The following IMPA2 variants were observed in gnomAD, a reference collection of about 807,000 sequenced individuals.
IMPA2 encodes the protein IMP 2.
Under a neutral mutation model 35.1 loss-of-function variants are expected in IMPA2, and 32 were observed. The ratio of observed to expected loss-of-function variants is 0.91; its 90% CI spans 0.69 to 1.23. The LOEUF (loss-of-function observed/expected upper bound fraction) is 1.23, where lower values mean the gene tolerates loss of function less well. Among genes scored for constraint, IMPA2 ranks in the 50% most tolerant of loss-of-function variants. The probability of loss-of-function intolerance (pLI) is 0.00; values close to 1 mark genes in which losing one functional copy is unlikely to be tolerated. For missense variants in IMPA2, 334 were observed against 387.6 expected (o/e 0.86, Z 1.16); for synonymous variants, 135 against 160.6 (o/e 0.84, Z 1.20).
intron 5 of IMPA2, 109 bp from the exon 6 acceptor site, chr18:12,027,934 G>A (rs938253010): frequency 2.7e-5 from 19 of 696,608 alleles, no homozygotes; most frequent in East Asian, 1.9e-4. Context: ...TGAACCAGTC[G>A]AAAGATGATC....
chr18:12,000,911 G>A (rs1025516096), intron 2 of IMPA2, among the ~76,000 whole-genome samples: 6 of 147,838 alleles, frequency 4.1e-5, no homozygotes, highest in Non-Finnish European at 6.0e-5. Context: ...CACTACGCCC[G>A]GCCCCAGTGT....
intron 5 of IMPA2, among the ~76,000 whole-genome samples, chr18:12,024,054 C>CAA (rs1192804713): frequency 2.0e-5 from 3 of 152,064 alleles, no homozygotes. Flanking sequence ...GTTTATGAAG[C>CAA]ATTGTTTACA....
chr18:12,024,779 G>A (rs943877691), intron 5 of IMPA2, among the ~76,000 whole-genome samples: 5 of 151,020 alleles, frequency 3.3e-5, no homozygotes, highest in East Asian at 3.9e-4. Flanking sequence ...TTAGAGTAAC[G>A]GTTTTAGGTT....
intron 5 of IMPA2, among the ~76,000 whole-genome samples, chr18:12,025,524 G>A (rs1483239552): frequency 2.6e-5 from 4 of 152,172 alleles, no homozygotes; most frequent in Non-Finnish European, 5.9e-5. Flanking sequence ...CCACATCCTG[G>A]CTGGCACTTG....
chr18:11,997,675 C>T (rs1906999225), intron 1 of IMPA2, among the ~76,000 whole-genome samples: 1 of 152,156 alleles, frequency 6.6e-6, no homozygotes, highest in Non-Finnish European at 1.5e-5. Flanking sequence ...CAGGGCCTGG[C>T]ATGAGCGGGT....
chr18:11,982,671 T>C (rs952296238), intron 1 of IMPA2, among the ~76,000 whole-genome samples: 3 of 152,014 alleles, frequency 2.0e-5, no homozygotes, highest in Non-Finnish European at 4.4e-5. Context: ...GCGCGTGCCT[T>C]AGTTCCAGCT....
chr18:12,020,764 C>T (rs1907706962), intron 5 of IMPA2, among the ~76,000 whole-genome samples: 1 of 151,924 alleles, frequency 6.6e-6, no homozygotes, highest in Non-Finnish European at 1.5e-5. Flanking sequence ...GAAATATTTC[C>T]TTTATGTAAT....
At chr18:11,984,981 AAAAAC>A (rs202200947) in intron 1 of IMPA2, among the ~76,000 whole-genome samples, 12,835 of 146,238 alleles carry the variant, frequency 0.088, 779 homozygotes, top group East Asian at 0.27. Context: ...AAAAAAAAAA[AAAAAC>A]AACAAAAATC....
chr18:11,999,244 T>C (rs745848972), intron 2 of IMPA2, 57 bp downstream of exon 2: 4 of 1,540,302 alleles, frequency 2.6e-6, no homozygotes, highest in African/African-American at 1.4e-5. Context: ...TCATAGAGAA[T>C]GCAGGGTCTG....
intron 1 of IMPA2, among the ~76,000 whole-genome samples, chr18:11,984,008 A>G (rs78886319): frequency 6.6e-6 from 1 of 152,132 alleles, no homozygotes; most frequent in African/African-American, 2.4e-5. Flanking sequence ...AGCACCCAGC[A>G]TTCTACCACT....
intron 1 of IMPA2, among the ~76,000 whole-genome samples, chr18:11,986,051 A>G (rs1376762105): frequency 6.6e-6 from 1 of 152,206 alleles, no homozygotes; most frequent in Non-Finnish European, 1.5e-5. Flanking sequence ...CTTAAGCGTC[A>G]TTAGCTTCAC....
In IMPA2 at chr18:12,014,324, T is replaced by C; in HGVS notation, c.441T>C (p.Gly147=). 6.2e-7 allele frequency: 1 copy of C among 1,609,438 alleles called. No individual in the cohort carries two copies. Among genetic ancestry groups the C allele is most frequent in the Non-Finnish European group, 8.5e-7 (1 of 1,178,034 alleles). ...TEERLYTGRR[G]RGAFCNGQRL... The stretch of plus-strand genomic sequence containing the variant: ...AGCGGCTGTACACGGGCCGGCGGGG[T>C]CGGGGCGCCTTCTGCAATGGCCAGC... The change falls in exon 5 of 8, where the codon GGT becomes GGC. Residue 147 remains glycine, a synonymous_variant. Coordinates refer to ENST00000269159, the MANE Select transcript of IMPA2 (RefSeq NM_014214.3).
At chr18:12,028,336 G>C in intron 6 of IMPA2, 185 bp downstream of exon 6, 1 of 577,994 alleles carries the variant, frequency 1.7e-6, no homozygotes, top group Admixed American at 3.0e-5. Flanking sequence ...CTATAGCCAG[G>C]CCTCTGGAGA....
rs142917168 is a variant in IMPA2 at position 12,026,875 on chromosome 18, C to T, written c.491-1168C>T. Among the ~76,000 whole-genome samples the T allele has an allele frequency of 2.9e-3, 436 of 152,274 alleles. 2 individuals are homozygous for T. Among genetic ancestry groups the T allele is most frequent in the African/African-American group, 9.9e-3 (412 of 41,558 alleles). On this transcript the variant is annotated intron_variant, in intron 5 of 7. Transcript: ENST00000269159. ...CAGCTTCAGTGCTGGGCATGGCCGG[C>T]GGTGAATGATCTGGACCTCCTGAGG...
At chr18:11,985,008 G>T (rs183263041) in intron 1 of IMPA2, among the ~76,000 whole-genome samples, 1 of 150,750 alleles carries the variant, frequency 6.6e-6, no homozygotes, top group Non-Finnish European at 1.5e-5. Context: ...GTCGAGCGTG[G>T]TGGCACACGC....
intron 2 of IMPA2, among the ~76,000 whole-genome samples, chr18:12,004,748 C>A (rs1432247485): frequency 6.6e-6 from 1 of 152,176 alleles, no homozygotes; most frequent in Non-Finnish European, 1.5e-5. Context: ...TGGTCTTGAA[C>A]TCCTGACCTC....
intron 1 of IMPA2, among the ~76,000 whole-genome samples, chr18:11,985,987 C>T (rs1598680566): frequency 2.6e-5 from 4 of 152,318 alleles, no homozygotes; most frequent in South Asian, 4.1e-4. Context: ...GGTTTGTGTA[C>T]GGCTTTGTGA....
At chr18:11,992,135 C>G (rs1406160647) in intron 1 of IMPA2, among the ~76,000 whole-genome samples, 2 of 152,262 alleles carry the variant, frequency 1.3e-5, no homozygotes, top group Non-Finnish European at 2.9e-5. Context: ...AGCCACCACG[C>G]CTAGCCCAGA....
At chr18:12,016,046 G>A (rs554010424) in intron 5 of IMPA2, among the ~76,000 whole-genome samples, 6 of 152,274 alleles carry the variant, frequency 3.9e-5, no homozygotes, top group East Asian at 3.9e-4. Context: ...TGGTAATTTC[G>A]TAGAATGAAG....
Sources: gnomAD v4.1 joint callset for allele counts (sites outside exome capture counted in the v4.1 genomes callset) on GRCh38, gnomAD v4.1.1 for gene constraint, MANE v1.5 for transcripts, NCBI Gene and HGNC (gene_info 2026-07-23, HGNC 2026-07-21) for gene names.